The following SLC24A2 variants were observed in gnomAD, a reference collection of about 807,000 sequenced individuals.
SLC24A2 encodes sodium/potassium/calcium exchanger 2.
Under a neutral mutation model 62.0 loss-of-function variants are expected in SLC24A2, and 36 were observed. The observed-to-expected ratio is 0.58, with a 90% CI of 0.44 to 0.77. SLC24A2 has a LOEUF of 0.77. Among genes scored for constraint, SLC24A2 ranks in the 30% least tolerant of loss-of-function variants. The probability of loss-of-function intolerance (pLI) is 0.00; values close to 1 mark genes in which losing one functional copy is unlikely to be tolerated. For synonymous variants in SLC24A2, 358 were observed against 294.0 expected (o/e 1.22, Z -2.23); for missense variants, 846 against 817.9 (o/e 1.03, Z -0.42).
chr9:20,175,598 C>A, the SLC24A2 span, among the ~76,000 whole-genome samples: 1 of 151,820 alleles, frequency 6.6e-6, no homozygotes, highest in Non-Finnish European at 1.5e-5. Context: ...GCAAGATACA[C>A]TAAAAACCGT....
chr9:19,655,337 AC>A (rs1233619633), intron 2 of SLC24A2, among the ~76,000 whole-genome samples: 2 of 152,224 alleles, frequency 1.3e-5, no homozygotes, highest in African/African-American at 4.8e-5. Context: ...TAACAAAACT[AC>A]CACAAGCTGA....
chr9:19,982,565 A>G, the SLC24A2 span, among the ~76,000 whole-genome samples: 10 of 152,206 alleles, frequency 6.6e-5, no homozygotes, highest in Admixed American at 2.0e-4. Flanking sequence ...ATTAGTTAAG[A>G]TGTGATTAGA....
chr9:19,568,439 TG>T (rs1204392597), intron 7 of SLC24A2, among the ~76,000 whole-genome samples: 1 of 152,256 alleles, frequency 6.6e-6, no homozygotes, highest in African/African-American at 2.4e-5. Flanking sequence ...CCTTGCCATC[TG>T]GGCTATTCAA....
chr9:19,962,415 C>G, the SLC24A2 span, among the ~76,000 whole-genome samples: 1 of 152,052 alleles, frequency 6.6e-6, no homozygotes, highest in Non-Finnish European at 1.5e-5. Context: ...CATTGGTAGC[C>G]TGATGGGGAT....
the SLC24A2 span, among the ~76,000 whole-genome samples, chr9:19,847,098 A>G: frequency 1.3e-5 from 2 of 152,194 alleles, no homozygotes; most frequent in Non-Finnish European, 2.9e-5. Flanking sequence ...ATTATTTGAC[A>G]TTATGTAATT....
chr9:20,097,012 T>C, the SLC24A2 span, among the ~76,000 whole-genome samples: 1 of 152,232 alleles, frequency 6.6e-6, no homozygotes, highest in Admixed American at 6.5e-5. Context: ...AAGTAACTTC[T>C]CTTTTCCCTA....
At chr9:19,555,918 C>T (rs187209191) in intron 7 of SLC24A2, among the ~76,000 whole-genome samples, 639 of 152,262 alleles carry the variant, frequency 4.2e-3, no homozygotes, top group Non-Finnish European at 7.0e-3. Context: ...GCACTCTAGC[C>T]TGGCAACACA....
intron 2 of SLC24A2, among the ~76,000 whole-genome samples, chr9:19,702,123 G>C (rs1252234390): frequency 6.6e-6 from 1 of 152,172 alleles, no homozygotes; most frequent in Non-Finnish European, 1.5e-5. Context: ...AGAGATTTCA[G>C]AGTGAAATGG....
chr9:19,777,122 G>A (rs2118913346), intron 2 of SLC24A2, among the ~76,000 whole-genome samples: 1 of 152,326 alleles, frequency 6.6e-6, no homozygotes, highest in South Asian at 2.1e-4. Flanking sequence ...GAGAGCTAAA[G>A]TTAGTGATTC....
chr9:20,189,476 G>A, the SLC24A2 span, among the ~76,000 whole-genome samples: 3 of 152,070 alleles, frequency 2.0e-5, no homozygotes, highest in African/African-American at 7.2e-5. Context: ...TTATTTTTTT[G>A]TTATTGTTGG....
At chr9:20,245,419 T>C in the SLC24A2 span, among the ~76,000 whole-genome samples, 2 of 152,158 alleles carry the variant, frequency 1.3e-5, no homozygotes, top group African/African-American at 4.8e-5. Flanking sequence ...GGTGGAAGTC[T>C]ATGATGTTTT....
chr9:19,507,456 T>A lies in SLC24A2; in HGVS notation c.*8697A>T, dbSNP rs578145236. 2.4e-4 allele frequency: 36 copies of A among 152,308 alleles called. No individual in the cohort carries two copies. The highest frequency in any genetic ancestry group is 8.4e-4 in the African/African-American group (35 of 41,572). The allele number at this position is 152,308 out of a possible 1,614,324, so 9.4% of individuals were successfully genotyped here. A position where few individuals can be genotyped will look rare whatever the true frequency, so the allele number is the denominator to read the frequency against. ...GAATTACTCCAAACAAAACAATACT[T>A]CTTTGAGTCAATAATTTTATTACTA... On this transcript the variant is annotated 3_prime_UTR_variant, in exon 11 of 11. Transcript: ENST00000341998.
chr9:20,019,288 A>AAAGG, the SLC24A2 span, among the ~76,000 whole-genome samples: 2 of 150,278 alleles, frequency 1.3e-5, no homozygotes, highest in African/African-American at 5.0e-5. Context: ...AGAAAGAAAG[A>AAAGG]AAGAAAGAAA....
At chr9:19,649,012 A>ACC (rs1554691779) in intron 2 of SLC24A2, among the ~76,000 whole-genome samples, 1 of 151,198 alleles carries the variant, frequency 6.6e-6, no homozygotes, top group Non-Finnish European at 1.5e-5. Context: ...AAAAAAAAAA[A>ACC]AAAAAAACAA....
chr9:19,758,659 G>C (rs1164794575), intron 2 of SLC24A2, among the ~76,000 whole-genome samples: 1 of 152,130 alleles, frequency 6.6e-6, no homozygotes, highest in African/African-American at 2.4e-5. Flanking sequence ...ATATTTGAAA[G>C]GTTTTTGAAC....
chr9:19,608,468 A>G (rs1374411110), intron 4 of SLC24A2, among the ~76,000 whole-genome samples: 2 of 152,216 alleles, frequency 1.3e-5, no homozygotes, highest in African/African-American at 2.4e-5. Flanking sequence ...AAGCCTTTAC[A>G]GAACAGACAG....
chr9:19,990,250 T>C, the SLC24A2 span, among the ~76,000 whole-genome samples: 5 of 152,082 alleles, frequency 3.3e-5, no homozygotes, highest in African/African-American at 1.2e-4. Flanking sequence ...AAAACTGTAG[T>C]AGTCTCCCCC....
At chr9:20,237,126 A>G in the SLC24A2 span, among the ~76,000 whole-genome samples, 1 of 152,232 alleles carries the variant, frequency 6.6e-6, no homozygotes, top group Non-Finnish European at 1.5e-5. Flanking sequence ...CTCCTTGGCT[A>G]TCTTCTGCTT....
the SLC24A2 span, among the ~76,000 whole-genome samples, chr9:19,836,399 A>C: frequency 6.6e-6 from 1 of 152,216 alleles, no homozygotes; most frequent in Non-Finnish European, 1.5e-5. Context: ...AGGGGATACC[A>C]CCACCGATCC....
Sources: allele counts gnomAD v4.1 joint callset (sites outside exome capture counted in the v4.1 genomes callset), GRCh38; gene constraint gnomAD v4.1.1; transcripts MANE v1.5; gene names NCBI Gene and HGNC (gene_info 2026-07-23, HGNC 2026-07-21).